The following PLEKHG7 variants were observed in gnomAD, a reference collection of about 807,000 sequenced individuals.
PLEKHG7 encodes pleckstrin homology domain-containing family G member 7.
Under a neutral mutation model 85.2 loss-of-function variants are expected in PLEKHG7, and 77 were observed. The ratio of observed to expected loss-of-function variants is 0.90; its 90% CI spans 0.75 to 1.09. The LOEUF (loss-of-function observed/expected upper bound fraction) is 1.09. Ranked by LOEUF, PLEKHG7 falls within the 50% of genes least tolerant of loss-of-function variation. The pLI is 0.00. For synonymous variants in PLEKHG7, 301 were observed against 302.4 expected (o/e 1.00, Z 0.05); for missense variants, 777 against 804.3 (o/e 0.97, Z 0.41).
rs1188543310 is a variant in PLEKHG7 at position 92,770,018 on chromosome 12, C to G, written c.1969-70C>G. 2.9e-6 allele frequency: 3 copies of G among 1,023,930 alleles called. No individual in the cohort carries two copies. In the African/African-American group the frequency reaches 5.0e-5, roughly 17 times the overall value. 63.4% of individuals were successfully genotyped at this position (1,023,930 alleles called of 1,614,324 possible). A position where few individuals can be genotyped will look rare whatever the true frequency, so the allele number is the denominator to read the frequency against. ...ATAAATATAGCAGAAAATATTAGCC[C>G]AAATATGTGAGAAATTGTCAGCTTA... On this transcript the variant is annotated intron_variant, in intron 16 of 16. Coordinates refer to ENST00000344636, the MANE Select transcript of PLEKHG7 (RefSeq NM_001377329.1).
Position 92,754,087 on chromosome 12 carries a change from C to T in PLEKHG7, c.1252-3C>T, listed in dbSNP as rs1199827358. Reference sequence around the variant, plus strand: ...CTGATATGGCTGCTTTTGCCTTCCCCAGTGGTGTGAGCAGAATGAACAATG... The same window carrying T: ...CTGATATGGCTGCTTTTGCCTTCCCTAGTGGTGTGAGCAGAATGAACAATG... On this transcript the variant is annotated splice_polypyrimidine_tract_variant and splice_region_variant and intron_variant, in intron 10 of 16. Coordinates refer to ENST00000344636, the MANE Select transcript of PLEKHG7 (RefSeq NM_001377329.1). 3 of 1,612,216 alleles carry T rather than the reference C, an allele frequency of 1.9e-6. No homozygotes were observed. Among genetic ancestry groups the T allele is most frequent in the Non-Finnish European group, 2.5e-6 (3 of 1,178,660 alleles).
At chr12:92,735,045 CA>C (rs138015009) in intron 5 of PLEKHG7, among the ~76,000 whole-genome samples, 49 of 152,314 alleles carry the variant, frequency 3.2e-4, no homozygotes, top group Non-Finnish European at 4.6e-4. Context: ...CCCACCCAGC[CA>C]TTTGGCCAGG....
chr12:92,751,119 A>G (rs1446056564), intron 10 of PLEKHG7, among the ~76,000 whole-genome samples: 2 of 152,206 alleles, frequency 1.3e-5, no homozygotes, highest in African/African-American at 4.8e-5. Context: ...CATAGGCTTA[A>G]GTTCTACAAG....
intron 14 of PLEKHG7, among the ~76,000 whole-genome samples, chr12:92,763,167 G>A (rs1416865707): frequency 6.6e-6 from 1 of 152,086 alleles, no homozygotes; most frequent in Non-Finnish European, 1.5e-5. Flanking sequence ...GATTCCTAAA[G>A]TAAGGAATGG....
intron 10 of PLEKHG7, among the ~76,000 whole-genome samples, chr12:92,752,081 C>A (rs1872707337): frequency 6.6e-6 from 1 of 151,394 alleles, no homozygotes; most frequent in Admixed American, 6.6e-5. Flanking sequence ...CACCTCACCC[C>A]ACCAAGGACA....
intron 9 of PLEKHG7, among the ~76,000 whole-genome samples, chr12:92,743,811 C>T (rs1413166683): frequency 3.9e-5 from 6 of 152,160 alleles, no homozygotes; most frequent in African/African-American, 7.2e-5. Context: ...CCACCTGCCT[C>T]GGTCTCCCAA....
intron 2 of PLEKHG7, 79 bp downstream of exon 2, chr12:92,707,217 C>G (rs554618090): frequency 4.6e-6 from 7 of 1,505,942 alleles, no homozygotes; most frequent in Non-Finnish European, 6.2e-6. Context: ...TTAGTTCCCC[C>G]AAGGGCCAGT....
intron 10 of PLEKHG7, among the ~76,000 whole-genome samples, chr12:92,746,907 G>T (rs968118324): frequency 1.3e-5 from 2 of 152,128 alleles, no homozygotes; most frequent in Non-Finnish European, 2.9e-5. Flanking sequence ...TTAAGTGTAA[G>T]GCCTGAAACT....
chr12:92,770,421 A>C lies in PLEKHG7; in HGVS notation c.*226A>C, dbSNP rs995734176. 4.4e-5 allele frequency: 20 copies of C among 451,768 alleles called. No homozygotes were observed. The highest frequency in any genetic ancestry group is 5.7e-4 in the Middle Eastern group (1 of 1,746). The allele number at this position is 451,768 out of a possible 1,614,324, so 28.0% of individuals were successfully genotyped here. A position where few individuals can be genotyped will look rare whatever the true frequency, so the allele number is the denominator to read the frequency against. On this transcript the variant is annotated 3_prime_UTR_variant, in exon 17 of 17. Transcript: ENST00000344636. The stretch of plus-strand genomic sequence containing the variant: ...TCTTGACAAATATATACTGACATCC[A>C]GATTACCTTCTAATGCTTCCGTCAG...
At chr12:92,762,884 ATAGC>A (rs1456020770) in intron 14 of PLEKHG7, among the ~76,000 whole-genome samples, 1 of 152,200 alleles carries the variant, frequency 6.6e-6, no homozygotes, top group Non-Finnish European at 1.5e-5. Context: ...CAATCTATGA[ATAGC>A]TAATCGGTGG....
intron 9 of PLEKHG7, among the ~76,000 whole-genome samples, chr12:92,742,650 A>T (rs1028574938): frequency 1.3e-5 from 2 of 149,306 alleles, no homozygotes; most frequent in Non-Finnish European, 3.0e-5. Flanking sequence ...CAGTAGTGCG[A>T]CTTCAGCTCA....
chr12:92,765,724 T>C (rs1432737595), intron 15 of PLEKHG7, among the ~76,000 whole-genome samples: 3 of 151,768 alleles, frequency 2.0e-5, no homozygotes, highest in Admixed American at 6.6e-5. Flanking sequence ...AGCTCAGGAG[T>C]TCGAGGCTGC....
At chr12:92,746,890 T>C (rs1872549257) in intron 10 of PLEKHG7, among the ~76,000 whole-genome samples, 1 of 152,120 alleles carries the variant, frequency 6.6e-6, no homozygotes. Flanking sequence ...AAAAATGAAT[T>C]AAAGATTTAA....
At chr12:92,730,529 G>A (rs896913735) in intron 4 of PLEKHG7, among the ~76,000 whole-genome samples, 2 of 152,164 alleles carry the variant, frequency 1.3e-5, no homozygotes, top group Non-Finnish European at 2.9e-5. Flanking sequence ...TGGTGGTGGT[G>A]GTGGTTGTTG....
chr12:92,715,277 T>A (rs1461232995), intron 3 of PLEKHG7, among the ~76,000 whole-genome samples: 2 of 152,112 alleles, frequency 1.3e-5, no homozygotes, highest in Admixed American at 6.6e-5. Context: ...TGCTTTAGAT[T>A]TGCTGGCAGC....
At chr12:92,761,540 AAAAG>A (rs5800085) in intron 13 of PLEKHG7, among the ~76,000 whole-genome samples, 79,534 of 143,414 alleles carry the variant, frequency 0.55, 22,533 homozygotes, top group East Asian at 0.92. Context: ...TTGATTAAAA[AAAAG>A]AGAGAAAGAA....
intron 3 of PLEKHG7, among the ~76,000 whole-genome samples, chr12:92,720,992 T>A (rs1002620906): frequency 1.3e-5 from 2 of 152,250 alleles, no homozygotes; most frequent in Non-Finnish European, 2.9e-5. Context: ...CACTACAACA[T>A]TGCGACCTTA....
At chr12:92,753,436 C>A (rs1376843789) in intron 10 of PLEKHG7, among the ~76,000 whole-genome samples, 4 of 152,186 alleles carry the variant, frequency 2.6e-5, no homozygotes, top group African/African-American at 9.7e-5. Context: ...TAACCCATGG[C>A]AATACTTACT....
At chr12:92,752,894 G>T (rs1367813450) in intron 10 of PLEKHG7, among the ~76,000 whole-genome samples, 1 of 152,100 alleles carries the variant, frequency 6.6e-6, no homozygotes, top group African/African-American at 2.4e-5. Flanking sequence ...GCAGACAGCT[G>T]TCTTCTCGCT....
Sources: gnomAD v4.1 joint callset for allele counts (sites outside exome capture counted in the v4.1 genomes callset) on GRCh38, gnomAD v4.1.1 for gene constraint, MANE v1.5 for transcripts, NCBI Gene and HGNC (gene_info 2026-07-23, HGNC 2026-07-21) for gene names.